Variants in CFAP92 observed in about 807,000 individuals in gnomAD.
CFAP92 encodes the protein cilia and flagella associated protein 92 (putative), also known as uncharacterized protein CFAP92.
In CFAP92, 86 loss-of-function variants were observed where a neutral mutation model predicts 106.3. That is an observed-to-expected ratio of 0.81 (90% CI 0.68 to 0.97). The LOEUF (loss-of-function observed/expected upper bound fraction) is 0.97, where lower values mean the gene tolerates loss of function less well. CFAP92 is among the 50% of genes least tolerant of loss of function. The pLI, the probability that CFAP92 is intolerant of heterozygous loss-of-function variation, is 0.00. For synonymous variants in CFAP92, 477 were observed against 506.4 expected (o/e 0.94, Z 0.78); for missense variants, 1,204 against 1,283.8 (o/e 0.94, Z 0.95).
At chr3:128,914,731 G>A (rs1936666034) in intron 15 of CFAP92, 1 of 178,080 alleles carries the variant, frequency 5.6e-6, no homozygotes, top group Non-Finnish European at 1.2e-5. Context: ...TTTGCCGCTG[G>A]AAGGTCCCAG....
intron 9 of CFAP92, among the ~76,000 whole-genome samples, chr3:128,958,408 C>G (rs1941614032): frequency 6.6e-6 from 1 of 152,060 alleles, no homozygotes; most frequent in South Asian, 2.1e-4. Flanking sequence ...ATGGCACAGA[C>G]CTATATACAC....
chr3:129,023,211 A>G, the CFAP92 span, among the ~76,000 whole-genome samples: 1 of 152,134 alleles, frequency 6.6e-6, no homozygotes, highest in Non-Finnish European at 1.5e-5. Context: ...TTACAAATAT[A>G]TGCTTCTAAA....
At chr3:129,001,075 GC>G (rs915635227) in intron 1 of CFAP92, among the ~76,000 whole-genome samples, 1 of 152,246 alleles carries the variant, frequency 6.6e-6, no homozygotes, top group African/African-American at 2.4e-5. Flanking sequence ...GAGCAGGCTT[GC>G]CAGGCAACCC....
upstream of CFAP92, among the ~76,000 whole-genome samples, chr3:129,006,735 C>G (rs762976751): frequency 3.9e-5 from 6 of 152,174 alleles, no homozygotes; most frequent in Non-Finnish European, 8.8e-5. Flanking sequence ...GTGAAGGGCA[C>G]ACGGTGATTA....
upstream of CFAP92, among the ~76,000 whole-genome samples, chr3:129,006,330 G>GT (rs1424065915): frequency 6.6e-6 from 1 of 152,156 alleles, no homozygotes; most frequent in Non-Finnish European, 1.5e-5. Flanking sequence ...TCGTTTGTTT[G>GT]TTTTTTGAGA....
rs1938681657 is a variant in CFAP92 at position 128,933,867 on chromosome 3, C to CA, written c.2454-871dup. Among the ~76,000 whole-genome samples, 15 of 152,322 alleles carry CA rather than the reference C, an allele frequency of 9.8e-5. 1 individual carries two copies. In the South Asian group the frequency reaches 3.1e-3, roughly 32 times the overall value. ...CAAAGAAAAGCCTCTTAGCCCCGACCAAGTTCTTTCTCCTTCCTATCTCTC... is the reference window on the plus strand; with the variant it reads ...CAAAGAAAAGCCTCTTAGCCCCGACCAAAGTTCTTTCTCCTTCCTATCTCTC... On this transcript the variant is annotated intron_variant, in intron 11 of 15. Transcript: ENST00000645291.
upstream of CFAP92, among the ~76,000 whole-genome samples, chr3:129,005,930 T>A (rs550339697): frequency 6.6e-6 from 1 of 152,400 alleles, no homozygotes; most frequent in African/African-American, 2.4e-5. Flanking sequence ...GGCTCTTCTT[T>A]GTTTATTTCT....
upstream of CFAP92, among the ~76,000 whole-genome samples, chr3:129,005,074 G>A (rs896906161): frequency 2.6e-5 from 4 of 152,186 alleles, no homozygotes; most frequent in African/African-American, 4.8e-5. Context: ...CCTGCTGGCC[G>A]GCCTGACTAC....
rs767104129 is a variant in CFAP92, at chr3:128,919,881, G to T, written c.2752-3610C>A. On this transcript the variant is annotated intron_variant, in intron 12 of 15. Transcript: ENST00000645291. ...TTAGAATTCAGAAAATCTGCTTTAGGAGTAAGGGCAAGCCTGACTCTGATT... is the reference window on the plus strand; with the variant it reads ...TTAGAATTCAGAAAATCTGCTTTAGTAGTAAGGGCAAGCCTGACTCTGATT... 9.9e-4 allele frequency among the ~76,000 whole-genome samples: 150 copies of T among 152,168 alleles called. 1 individual carries two copies. The highest frequency in any genetic ancestry group is 1.1e-3 in the Non-Finnish European group (76 of 68,032).
intron 3 of CFAP92, among the ~76,000 whole-genome samples, chr3:128,988,086 A>G (rs1943971750): frequency 6.6e-6 from 1 of 152,114 alleles, no homozygotes. Flanking sequence ...CTTCTAAGCA[A>G]TGACCCAGGG....
chr3:128,912,560 G>A (rs754669331), intron 15 of CFAP92: 2 of 1,614,074 alleles, frequency 1.2e-6, no homozygotes, highest in East Asian at 2.2e-5. Flanking sequence ...GCAGATCCTT[G>A]AGAAGCGAGC....
the CFAP92 span, among the ~76,000 whole-genome samples, chr3:129,015,459 G>A: frequency 2.0e-5 from 3 of 152,064 alleles, no homozygotes; most frequent in African/African-American, 7.2e-5. Flanking sequence ...GAGGTCAGGG[G>A]CCATGCCATT....
At chr3:128,918,567 T>C (rs546361694) in intron 12 of CFAP92, among the ~76,000 whole-genome samples, 7 of 152,326 alleles carry the variant, frequency 4.6e-5, no homozygotes, top group South Asian at 2.1e-4. Context: ...TAATGTCCGA[T>C]AGCCTAGTAA....
Position 128,935,175 on chromosome 3 carries a change from C to A in CFAP92, c.2403G>T (p.Val801=). The A allele has an allele frequency of 6.5e-7, 1 of 1,535,730 alleles. No individual in the cohort carries two copies. The highest frequency in any genetic ancestry group is 8.7e-7 in the Non-Finnish European group (1 of 1,146,608). The part of the protein sequence containing the change: ...QPTELLLQQA[V]FFLRDTERRR... ...TCCGCTCAGTGTCTCGCAGGAAGAA[C>A]ACCGCCTGCTGCAGCAGCAGCTCCG... The change falls in exon 11 of 16, where the codon GTG becomes GTT. Residue 801 remains valine, a synonymous_variant. Transcript: ENST00000645291.
intron 9 of CFAP92, among the ~76,000 whole-genome samples, chr3:128,953,241 C>T (rs915973474): frequency 1.3e-5 from 2 of 150,652 alleles, no homozygotes; most frequent in Non-Finnish European, 3.0e-5. Context: ...CTGGGCCGGG[C>T]GCGGTGGCTC....
At chr3:128,911,622 G>GAAAC (rs944851357) in intron 15 of CFAP92, among the ~76,000 whole-genome samples, 16 of 150,652 alleles carry the variant, frequency 1.1e-4, no homozygotes, top group African/African-American at 7.3e-5. Context: ...ATTTTTAGTA[G>GAAAC]AAACAAACAG....
chr3:128,999,631 C>T (rs535058686), intron 1 of CFAP92, among the ~76,000 whole-genome samples: 19 of 150,782 alleles, frequency 1.3e-4, no homozygotes, highest in Non-Finnish European at 2.2e-4. Flanking sequence ...CTCCGCCTCC[C>T]AGGTTCAAGC....
At chr3:129,002,069 G>A (rs1944802234) in intron 1 of CFAP92, 4 of 1,537,616 alleles carry the variant, frequency 2.6e-6, no homozygotes, top group Admixed American at 2.0e-5. Context: ...AGTTCCACGC[G>A]CGCCTCTGTG....
intron 15 of CFAP92, chr3:128,913,059 A>G (rs1314215417): frequency 1.3e-5 from 6 of 455,150 alleles, no homozygotes; most frequent in Non-Finnish European, 2.6e-5. Flanking sequence ...CACTTAAAAC[A>G]TGTACCAGGA....
Sources: allele counts gnomAD v4.1 joint callset (sites outside exome capture counted in the v4.1 genomes callset), GRCh38; gene constraint gnomAD v4.1.1; transcripts MANE v1.5; gene names NCBI Gene and HGNC (gene_info 2026-07-23, HGNC 2026-07-21).